PCLO: variants seen among roughly 807,000 people sequenced by gnomAD.
The protein encoded by PCLO is protein piccolo.
Under a neutral mutation model 427.5 loss-of-function variants are expected in PCLO, and 82 were observed. The ratio of observed to expected loss-of-function variants is 0.19; its 90% CI spans 0.16 to 0.23. PCLO has a LOEUF of 0.23. Among genes scored for constraint, PCLO ranks in the 10% least tolerant of loss-of-function variants. PCLO has a pLI of 1.00. For missense variants in PCLO, 6,239 were observed against 6,115.9 expected (o/e 1.02, Z -0.67); for synonymous variants, 2,357 against 2,155.4 (o/e 1.09, Z -2.59).
Position 82,954,158 on chromosome 7 carries a change from G to A in PCLO, c.6795C>T (p.Ser2265=). The part of the protein sequence containing the change: ...GRASADHIVI[S]LSDMASSIIE... Reference sequence around the variant, plus strand: ...TGATAGAAGATGCCATATCAGATAAGGAAATAACAATATGATCAGCACTAG... The same window carrying A: ...TGATAGAAGATGCCATATCAGATAAAGAAATAACAATATGATCAGCACTAG... The change falls in exon 5 of 25, where the codon TCC becomes TCT. Residue 2265 remains serine, a synonymous_variant. Coordinates refer to ENST00000333891, the MANE Select transcript of PCLO (RefSeq NM_033026.6). The A allele has an allele frequency of 6.2e-7, 1 of 1,613,838 alleles. No individual in the cohort carries two copies. The highest frequency in any genetic ancestry group is 8.5e-7 in the Non-Finnish European group (1 of 1,179,790).
At chr7:82,974,244 G>A (rs546585719) in intron 3 of PCLO, among the ~76,000 whole-genome samples, 1 of 152,128 alleles carries the variant, frequency 6.6e-6, no homozygotes, top group Non-Finnish European at 1.5e-5. Flanking sequence ...AAATTAGCCA[G>A]GTGTGGTGAT....
At chr7:83,127,917 T>C (rs145619416) in intron 3 of PCLO, among the ~76,000 whole-genome samples, 4 of 152,224 alleles carry the variant, frequency 2.6e-5, no homozygotes, top group Non-Finnish European at 2.9e-5. Context: ...CAGCAGTGTA[T>C]CTCTTGACAA....
chr7:83,114,275 A>G (rs961640508), intron 3 of PCLO, among the ~76,000 whole-genome samples: 18 of 152,086 alleles, frequency 1.2e-4, no homozygotes, highest in African/African-American at 4.3e-4. Flanking sequence ...ATAAACAGGG[A>G]ATTGCGATGC....
rs1796393578 is a variant in PCLO, at chr7:82,992,204, TC to T, written c.3301-25718del. 2.6e-5 allele frequency among the ~76,000 whole-genome samples: 4 copies of T among 152,174 alleles called. No individual in the cohort carries two copies. In the South Asian group the frequency reaches 8.3e-4, roughly 32 times the overall value. On this transcript the variant is annotated intron_variant, in intron 3 of 24. Coordinates refer to ENST00000333891, the MANE Select transcript of PCLO (RefSeq NM_033026.6). ...GGTCCCACACCATTGGAACTATGTG[TC>T]CTAGTATCTCTGGCCTTTGTTCCAC... is the stretch of plus-strand genomic sequence containing the variant.
intron 7 of PCLO, 126 bp from the exon 8 acceptor site, chr7:82,909,139 T>TC: frequency 1.2e-6 from 1 of 804,090 alleles, no homozygotes; most frequent in Non-Finnish European, 1.9e-6. Flanking sequence ...CAAACACATC[T>TC]CCCCTTGGGA....
intron 2 of PCLO, among the ~76,000 whole-genome samples, chr7:83,136,684 A>C (rs1791738265): frequency 6.6e-6 from 1 of 152,186 alleles, no homozygotes; most frequent in South Asian, 2.1e-4. Context: ...TTTTATGAAG[A>C]TACTTGAAAA....
chr7:83,115,092 G>A (rs1480331668), intron 3 of PCLO, among the ~76,000 whole-genome samples: 1 of 151,960 alleles, frequency 6.6e-6, no homozygotes, highest in Non-Finnish European at 1.5e-5. Context: ...GTTAATGGAT[G>A]TCAGACGTCC....
chr7:82,964,566 T>C, intron 4 of PCLO, among the ~76,000 whole-genome samples: 1 of 151,890 alleles, frequency 6.6e-6, no homozygotes, highest in East Asian at 1.9e-4. Context: ...ATCATAGAGA[T>C]AGTCAAAGTA....
chr7:82,947,811 A>T (rs1562874043), intron 6 of PCLO, among the ~76,000 whole-genome samples: 1 of 152,120 alleles, frequency 6.6e-6, no homozygotes. Flanking sequence ...AACCTTTACA[A>T]CCCATTGTAT....
At chr7:82,908,519 T>G (rs544589422) in intron 8 of PCLO, among the ~76,000 whole-genome samples, 202 of 152,216 alleles carry the variant, frequency 1.3e-3, no homozygotes, top group African/African-American at 4.5e-3. Flanking sequence ...CATCTGAACA[T>G]GTTGTTATTG....
intron 3 of PCLO, among the ~76,000 whole-genome samples, chr7:83,072,735 C>A (rs1789851127): frequency 6.6e-6 from 1 of 151,964 alleles, no homozygotes. Context: ...CCAAAGCTTC[C>A]AGTATTCCTC....
intron 6 of PCLO, among the ~76,000 whole-genome samples, chr7:82,946,408 T>G (rs1795204796): frequency 6.6e-6 from 1 of 152,180 alleles, no homozygotes; most frequent in Admixed American, 6.5e-5. Context: ...AGAAAGATAA[T>G]ATTCAATTAA....
intron 9 of PCLO, among the ~76,000 whole-genome samples, chr7:82,893,236 T>C (rs995790189): frequency 4.0e-5 from 6 of 151,664 alleles, no homozygotes; most frequent in Non-Finnish European, 2.9e-5. Flanking sequence ...TGGAATACTA[T>C]GCAGCCATAA....
intron 10 of PCLO, among the ~76,000 whole-genome samples, chr7:82,852,119 A>G (rs1159587660): frequency 6.6e-6 from 1 of 152,098 alleles, no homozygotes; most frequent in East Asian, 1.9e-4. Context: ...GTATTTGAAT[A>G]GTGTCCTGCT....
At chr7:83,001,715 A>C (rs1287616671) in intron 3 of PCLO, among the ~76,000 whole-genome samples, 1 of 152,054 alleles carries the variant, frequency 6.6e-6, no homozygotes, top group Non-Finnish European at 1.5e-5. Context: ...CCTCATGTGC[A>C]TGTCTGCCTC....
chr7:82,847,333 T>G, intron 10 of PCLO, 86 bp from the exon 11 acceptor site: 1 of 726,104 alleles, frequency 1.4e-6, no homozygotes, highest in Non-Finnish European at 2.3e-6. Context: ...TATTTGCATT[T>G]AGAAGTCAAC....
chr7:83,154,716 A>G (rs776179732), intron 2 of PCLO, 32 bp downstream of exon 2: 49 of 1,467,814 alleles, frequency 3.3e-5, no homozygotes, highest in Non-Finnish European at 4.5e-5. Flanking sequence ...ATATGGCTGA[A>G]GAGTATGGAC....
intron 6 of PCLO, among the ~76,000 whole-genome samples, chr7:82,930,291 C>T (rs1412590248): frequency 2.0e-5 from 3 of 151,910 alleles, no homozygotes; most frequent in Admixed American, 6.6e-5. Context: ...GAAGGCTGTG[C>T]GGAGGGAGGG....
chr7:82,885,352 C>A (rs937928584), intron 9 of PCLO, among the ~76,000 whole-genome samples: 1 of 152,074 alleles, frequency 6.6e-6, no homozygotes, highest in Non-Finnish European at 1.5e-5. Context: ...CTACCAACAA[C>A]CACATGAGTT....
Sources: allele counts gnomAD v4.1 joint callset (sites outside exome capture counted in the v4.1 genomes callset), GRCh38; gene constraint gnomAD v4.1.1; transcripts MANE v1.5; gene names NCBI Gene and HGNC (gene_info 2026-07-23, HGNC 2026-07-21).